NPTXR: variants seen among roughly 807,000 people sequenced by gnomAD.
The protein encoded by NPTXR is neuronal pentraxin receptor.
A neutral mutation model predicts 32.2 loss-of-function variants in NPTXR; 12 were observed. The observed-to-expected ratio is 0.37, with a 90% CI of 0.24 to 0.60. The LOEUF (loss-of-function observed/expected upper bound fraction) is 0.60, where lower values mean the gene tolerates loss of function less well. NPTXR is among the 20% of genes least tolerant of loss of function. NPTXR has a pLI of 0.66. For missense variants in NPTXR, 612 were observed against 682.9 expected (o/e 0.90, Z 1.16); for synonymous variants, 323 against 315.8 (o/e 1.02, Z -0.24).
At chr22:38,829,599 T>C (rs1483640825) in intron 1 of NPTXR, among the ~76,000 whole-genome samples, 1 of 152,190 alleles carries the variant, frequency 6.6e-6, no homozygotes, top group African/African-American at 2.4e-5. Flanking sequence ...CCCTCCTCCA[T>C]GGTCCCCGCT....
chr22:38,835,106 G>GTGCAGAGGGTGAGCTCACCCCTGC (rs1273619440), intron 1 of NPTXR, among the ~76,000 whole-genome samples: 1 of 152,208 alleles, frequency 6.6e-6, no homozygotes, highest in Admixed American at 6.5e-5. Flanking sequence ...GACAGGCCTG[G>GTGCAGAGGGTGAGCTCACCCCTGC]TGCAGAGGGT....
In NPTXR at chr22:38,828,216, G is replaced by A. The variant is rs1603245280; in HGVS notation, c.850+71C>T. 5 of 1,263,768 alleles carry A rather than the reference G, an allele frequency of 4.0e-6. No homozygotes were observed. The East Asian group carries it at 1.2e-4, about 30-fold the overall frequency. The allele number at this position is 1,263,768 out of a possible 1,614,324, so 78.3% of individuals were successfully genotyped here. On this transcript the variant is annotated intron_variant, in intron 2 of 4. Coordinates refer to ENST00000333039, the MANE Select transcript of NPTXR (RefSeq NM_014293.4). The stretch of plus-strand genomic sequence containing the variant: ...GTCGATGTTAGCCTCCGGGGAGCAT[G>A]GATATATTTTTTGAATGGCTCTGTC...
At position 38,843,826 on chromosome 22, in the gene NPTXR, G is replaced by A; in HGVS notation, c.33C>T (p.Gly11=). Residue 11 remains glycine, a synonymous_variant, in exon 1 of 5, where the codon GGC becomes GGT. Coordinates refer to ENST00000333039, the MANE Select transcript of NPTXR (RefSeq NM_014293.4). The surrounding 1 kb of genome is among the most constrained non-coding windows in gnomAD (Gnocchi z 5.3). ...TGACGGCACCGAGGAACGCCAGCATGCCCGCGGCCAGCAGCACGGCCAGGA... is the reference window on the plus strand; with the variant it reads ...TGACGGCACCGAGGAACGCCAGCATACCCGCGGCCAGCAGCACGGCCAGGA... The A allele has an allele frequency of 9.8e-7, 1 of 1,017,912 alleles. No individual in the cohort carries two copies. Among genetic ancestry groups the A allele is most frequent in the Non-Finnish European group, 1.2e-6 (1 of 852,624 alleles). The allele number at this position is 1,017,912 out of a possible 1,614,324, so 63.1% of individuals were successfully genotyped here.
At chr22:38,829,450 G>A (rs1004791808) in intron 1 of NPTXR, among the ~76,000 whole-genome samples, 1 of 152,190 alleles carries the variant, frequency 6.6e-6, no homozygotes, top group African/African-American at 2.4e-5. Flanking sequence ...GAACGCAGGT[G>A]AGGCCGCAGG....
intron 1 of NPTXR, among the ~76,000 whole-genome samples, chr22:38,830,610 C>T (rs1208743752): frequency 3.9e-5 from 6 of 152,198 alleles, no homozygotes; most frequent in Non-Finnish European, 7.3e-5. Flanking sequence ...ATCTGCCAAG[C>T]GGCCTCTCCA....
chr22:38,828,932 C>T (rs2093111934), intron 1 of NPTXR, among the ~76,000 whole-genome samples: 1 of 152,250 alleles, frequency 6.6e-6, no homozygotes, highest in African/African-American at 2.4e-5. Context: ...CCTCACTCAG[C>T]AAGCTTCTCT....
At position 38,843,455 on chromosome 22, in the gene NPTXR, T is replaced by C. The variant is rs943826554; in HGVS notation, c.404A>G (p.Gln135Arg). ...GCGCGCCTCCTGCTGCAGCGCCGTCTGGCGCAGCTGCTCGGCCGTGCTCTG... is the reference window on the plus strand; with the variant it reads ...GCGCGCCTCCTGCTGCAGCGCCGTCCGGCGCAGCTGCTCGGCCGTGCTCTG... The change falls in exon 1 of 5, where the codon CAG (glutamine) becomes CGG (arginine). Residue 135 changes from glutamine to arginine, a missense_variant. Coordinates refer to ENST00000333039, the MANE Select transcript of NPTXR (RefSeq NM_014293.4). The surrounding 1 kb of genome is among the most constrained non-coding windows in gnomAD (Gnocchi z 5.3). 3 of 1,360,452 alleles carry C rather than the reference T, an allele frequency of 2.2e-6. No homozygotes were observed. Among genetic ancestry groups the C allele is most frequent in the African/African-American group, 1.5e-5 (1 of 65,676 alleles). 84.3% of individuals were successfully genotyped at this position (1,360,452 alleles called of 1,614,324 possible).
intron 2 of NPTXR, among the ~76,000 whole-genome samples, chr22:38,827,053 G>A (rs927307474): frequency 1.3e-5 from 2 of 152,124 alleles, no homozygotes; most frequent in African/African-American, 4.8e-5. Flanking sequence ...GAGGGCTGGA[G>A]GTTGCTTCTC....
Position 38,843,187 on chromosome 22 carries a change from G to A in NPTXR, c.624+48C>T, listed in dbSNP as rs563606951. 7.4e-4 allele frequency: 937 copies of A among 1,271,190 alleles called. 7 individuals carry two copies. In the African/African-American group the frequency reaches 0.014, roughly 18 times the overall value. 78.7% of individuals were successfully genotyped at this position (1,271,190 alleles called of 1,614,324 possible). On this transcript the variant is annotated intron_variant, in intron 1 of 4. Coordinates refer to ENST00000333039, the MANE Select transcript of NPTXR (RefSeq NM_014293.4). This position sits in a 1 kb window ranked among gnomAD's most constrained non-coding sequence, Gnocchi z 5.3. The stretch of plus-strand genomic sequence containing the variant: ...ACCGCCGGACGACCGCGGCCGGGCG[G>A]CCCCTCACACCACCCGGGCGGCTCC...
chr22:38,826,791 G>C, intron 2 of NPTXR, 44 bp from the exon 3 acceptor site: 1 of 1,584,204 alleles, frequency 6.3e-7, no homozygotes, highest in Non-Finnish European at 8.6e-7. Context: ...GGTGGACACC[G>C]AAAAGGGTGG....
intron 1 of NPTXR, among the ~76,000 whole-genome samples, chr22:38,841,595 A>G (rs1051838104): frequency 3.3e-5 from 5 of 152,292 alleles, no homozygotes; most frequent in African/African-American, 1.2e-4. Flanking sequence ...CCTGTTGCCT[A>G]AAACCTGTTT....
intron 1 of NPTXR, among the ~76,000 whole-genome samples, chr22:38,828,782 G>T (rs558249255): frequency 7.2e-5 from 11 of 152,242 alleles, no homozygotes; most frequent in Non-Finnish European, 1.5e-4. Flanking sequence ...GGGGTGTGGG[G>T]CGTGGCCATG....
At chr22:38,833,416 A>G (rs1043567694) in intron 1 of NPTXR, among the ~76,000 whole-genome samples, 1 of 152,188 alleles carries the variant, frequency 6.6e-6, no homozygotes, top group African/African-American at 2.4e-5. Flanking sequence ...CACCTCCCCC[A>G]TCCAACCATC....
At chr22:38,836,544 A>G (rs955121540) in intron 1 of NPTXR, among the ~76,000 whole-genome samples, 1 of 152,192 alleles carries the variant, frequency 6.6e-6, no homozygotes, top group Non-Finnish European at 1.5e-5. Context: ...CGAAGTCCAA[A>G]CACAGGCAAA....
chr22:38,826,415 G>A, intron 3 of NPTXR, 85 bp downstream of exon 3: 5 of 1,452,296 alleles, frequency 3.4e-6, no homozygotes, highest in Non-Finnish European at 4.7e-6. Flanking sequence ...AGAATGAGCA[G>A]GAGAATGAAA....
rs764654952 is a variant in NPTXR at position 38,843,335 on chromosome 22, C to T, written c.524G>A (p.Arg175His). 2.1e-6 allele frequency: 3 copies of T among 1,414,916 alleles called. No individual in the cohort carries two copies. Among genetic ancestry groups the T allele is most frequent in the Non-Finnish European group, 2.7e-6 (3 of 1,092,062 alleles). The allele number at this position is 1,414,916 out of a possible 1,614,324, so 87.6% of individuals were successfully genotyped here. A position where few individuals can be genotyped will look rare whatever the true frequency, so the allele number is the denominator to read the frequency against. ...GGGCCCGTCGGCCATGGTGTCGCGG[C>T]GGGGCCCGGCGCCCTGGAGGCCGCG... is the stretch of plus-strand genomic sequence containing the variant. The change falls in exon 1 of 5, where the codon CGC (arginine) becomes CAC (histidine). Residue 175 changes from arginine (R) to histidine (H), a missense_variant. By Grantham distance (29) the Arg-to-His change is conservative. Transcript: ENST00000333039. This position sits in a 1 kb window ranked among gnomAD's most constrained non-coding sequence, Gnocchi z 5.3.
Position 38,843,370 on chromosome 22 carries a change from G to T in NPTXR, c.489C>A (p.Ser163Arg), listed in dbSNP as rs1463934682. The change falls in exon 1 of 5, where the codon AGC (serine) becomes AGA (arginine). Residue 163 changes from serine to arginine, a missense_variant. Physicochemically the swap from Ser to Arg is moderately radical, Grantham distance 110. Coordinates refer to ENST00000333039, the MANE Select transcript of NPTXR (RefSeq NM_014293.4). The surrounding 1 kb of genome is among the most constrained non-coding windows in gnomAD (Gnocchi z 5.3). ...CGCCCTGGAGGCCGCGCGGCAGGCC[G>T]CTCTCGCAGCGGCCCAGCTTGCCGG... The T allele has an allele frequency of 2.1e-6, 3 of 1,409,318 alleles. No homozygotes were observed. The highest frequency in any genetic ancestry group is 2.8e-6 in the Non-Finnish European group (3 of 1,090,434). The allele number at this position is 1,409,318 out of a possible 1,614,324, so 87.3% of individuals were successfully genotyped here.
chr22:38,842,319 G>A (rs556577546), intron 1 of NPTXR, among the ~76,000 whole-genome samples: 1 of 152,216 alleles, frequency 6.6e-6, no homozygotes, highest in African/African-American at 2.4e-5. Context: ...CTTGTGGTCT[G>A]GAAGTCAGGC....
intron 2 of NPTXR, 104 bp from the exon 3 acceptor site, chr22:38,826,851 G>A (rs935192207): frequency 2.2e-6 from 3 of 1,352,970 alleles, no homozygotes; most frequent in Non-Finnish European, 3.1e-6. Context: ...CCAGGCACCT[G>A]CTGCATGCCC....
Sources: allele counts gnomAD v4.1 joint callset (sites outside exome capture counted in the v4.1 genomes callset), GRCh38; gene constraint gnomAD v4.1.1; non-coding constraint Gnocchi (gnomAD v3.1); transcripts MANE v1.5; gene names NCBI Gene and HGNC (gene_info 2026-07-23, HGNC 2026-07-21).